Variants in ROR1 observed in about 807,000 individuals in gnomAD.
ROR1 encodes inactive tyrosine-protein kinase transmembrane receptor ROR1.
Under a neutral mutation model 78.8 loss-of-function variants are expected in ROR1, and 19 were observed. The ratio of observed to expected loss-of-function variants is 0.24; its 90% CI spans 0.17 to 0.35. The LOEUF (loss-of-function observed/expected upper bound fraction) is 0.35, where lower values mean the gene tolerates loss of function less well. Among genes scored for constraint, ROR1 ranks in the 10% least tolerant of loss-of-function variants. The probability of loss-of-function intolerance (pLI) is 1.00; values close to 1 mark genes in which losing one functional copy is unlikely to be tolerated. For missense variants in ROR1, 917 were observed against 1,177.8 expected (o/e 0.78, Z 3.24); for synonymous variants, 386 against 433.6 (o/e 0.89, Z 1.36).
chr1:63,873,012 A>T (rs1645261790), intron 1 of ROR1, among the ~76,000 whole-genome samples: 1 of 152,014 alleles, frequency 6.6e-6, no homozygotes, highest in African/African-American at 2.4e-5. Context: ...TATATTTATG[A>T]TTTTATTTTT....
chr1:64,167,453 T>C (rs1049686335), intron 8 of ROR1, among the ~76,000 whole-genome samples: 2 of 152,210 alleles, frequency 1.3e-5, no homozygotes, highest in African/African-American at 4.8e-5. Context: ...AAACTCCCTC[T>C]AGAACTTGAT....
intron 7 of ROR1, among the ~76,000 whole-genome samples, chr1:64,154,924 G>A (rs1291822654): frequency 2.0e-5 from 3 of 152,128 alleles, no homozygotes; most frequent in Non-Finnish European, 2.9e-5. Context: ...GTTCCAAAGT[G>A]ATTTTCTTAA....
At chr1:63,886,005 C>A (rs1366288312) in intron 1 of ROR1, among the ~76,000 whole-genome samples, 2 of 152,196 alleles carry the variant, frequency 1.3e-5, no homozygotes, top group South Asian at 4.1e-4. Flanking sequence ...TGTTTTCCCA[C>A]AACTAGATGA....
intron 8 of ROR1, among the ~76,000 whole-genome samples, chr1:64,162,413 AG>A (rs1420052930): frequency 6.6e-6 from 1 of 152,184 alleles, no homozygotes; most frequent in Non-Finnish European, 1.5e-5. Flanking sequence ...GGGTCCCCAG[AG>A]AGGTAGGACA....
intron 1 of ROR1, among the ~76,000 whole-genome samples, chr1:63,904,216 C>T (rs1029325755): frequency 1.3e-5 from 2 of 152,098 alleles, no homozygotes; most frequent in East Asian, 1.9e-4. Flanking sequence ...TTGTGGATTA[C>T]GGGTTTCTAG....
intron 4 of ROR1, among the ~76,000 whole-genome samples, chr1:64,122,843 A>C (rs891113946): frequency 6.6e-6 from 1 of 152,138 alleles, no homozygotes; most frequent in African/African-American, 2.4e-5. Flanking sequence ...CTTTTAATGA[A>C]TGATCACTGA....
intron 2 of ROR1, among the ~76,000 whole-genome samples, chr1:64,043,433 G>C (rs2100584327): frequency 6.6e-6 from 1 of 152,256 alleles, no homozygotes; most frequent in East Asian, 1.9e-4. Flanking sequence ...TTCCCAGAGA[G>C]GTCATAAAAT....
chr1:63,852,765 A>G (rs1645122396), intron 1 of ROR1, among the ~76,000 whole-genome samples: 1 of 152,228 alleles, frequency 6.6e-6, no homozygotes, highest in East Asian at 1.9e-4. Context: ...AATCTGTAGC[A>G]TGACAGTTCA....
intron 1 of ROR1, among the ~76,000 whole-genome samples, chr1:63,893,600 C>T (rs755917877): frequency 2.6e-5 from 4 of 152,022 alleles, no homozygotes; most frequent in East Asian, 1.9e-4. Context: ...ACTGACTGGG[C>T]GTGGACATAT....
intron 1 of ROR1, among the ~76,000 whole-genome samples, chr1:63,785,496 AT>A (rs1557494993): frequency 2.6e-4 from 33 of 126,420 alleles, no homozygotes; most frequent in African/African-American, 1.1e-3. Flanking sequence ...ATATATATAT[AT>A]TTTATTTATT....
At chr1:63,986,475 C>T (rs1169258969) in intron 1 of ROR1, among the ~76,000 whole-genome samples, 1 of 152,110 alleles carries the variant, frequency 6.6e-6, no homozygotes, top group South Asian at 2.1e-4. Context: ...GAATGGTGAG[C>T]TGTCATTTAG....
intron 7 of ROR1, among the ~76,000 whole-genome samples, chr1:64,157,243 T>A (rs1217044432): frequency 6.6e-6 from 1 of 152,134 alleles, no homozygotes; most frequent in Non-Finnish European, 1.5e-5. Flanking sequence ...GCTCAGGTAA[T>A]CCTTCCGCCT....
At chr1:63,841,646 A>G (rs981090648) in intron 1 of ROR1, among the ~76,000 whole-genome samples, 25 of 152,328 alleles carry the variant, frequency 1.6e-4, no homozygotes, top group African/African-American at 5.8e-4. Flanking sequence ...TTAGCATTAC[A>G]CAAGTAACCA....
chr1:63,819,243 GT>G lies in ROR1; in HGVS notation c.91+44737del, dbSNP rs199652420. 1.4e-3 allele frequency among the ~76,000 whole-genome samples: 211 copies of G among 152,268 alleles called. 2 individuals carry two copies. The East Asian group carries it at 0.025, about 18-fold the overall frequency. On this transcript the variant is annotated intron_variant, in intron 1 of 8. Coordinates refer to ENST00000371079, the MANE Select transcript of ROR1 (RefSeq NM_005012.4). ...ACCTTTGGTTTATCAGTTGGTTAAT[GT>G]TGTTTTCTTTTCATGGTAGGATCAT...
chr1:64,129,104 G>A (rs1433816132), intron 4 of ROR1, among the ~76,000 whole-genome samples: 1 of 152,192 alleles, frequency 6.6e-6, no homozygotes, highest in Non-Finnish European at 1.5e-5. Flanking sequence ...ACTCACCATT[G>A]CTTTTTACGG....
chr1:64,110,957 T>C (rs1251879062), intron 4 of ROR1: 1 of 151,376 alleles, frequency 6.6e-6, no homozygotes, highest in African/African-American at 2.4e-5. Flanking sequence ...GCTAAGAAAC[T>C]CTAGAGGTCG....
intron 4 of ROR1, among the ~76,000 whole-genome samples, chr1:64,059,039 A>G (rs1407574990): frequency 6.6e-6 from 1 of 151,964 alleles, no homozygotes; most frequent in African/African-American, 2.4e-5. Context: ...TTTCTTCTTG[A>G]GTCAGTTTTG....
intron 4 of ROR1, among the ~76,000 whole-genome samples, chr1:64,123,345 C>A (rs12086535): frequency 6.6e-6 from 1 of 152,230 alleles, no homozygotes; most frequent in Admixed American, 6.5e-5. Context: ...TTCATTTTGG[C>A]ATTTAGTGGA....
intron 1 of ROR1, among the ~76,000 whole-genome samples, chr1:63,868,371 T>C (rs1048090892): frequency 2.0e-5 from 3 of 152,212 alleles, no homozygotes; most frequent in Middle Eastern, 6.8e-3. Context: ...TCTTGTCACC[T>C]AGTAAGAGAC....
Sources: allele counts gnomAD v4.1 joint callset (sites outside exome capture counted in the v4.1 genomes callset), GRCh38; gene constraint gnomAD v4.1.1; transcripts MANE v1.5; gene names NCBI Gene and HGNC (gene_info 2026-07-23, HGNC 2026-07-21).